Variants in ANXA8 observed in about 807,000 individuals in gnomAD.
ANXA8 encodes VAC-beta.
Under a neutral mutation model 26.8 loss-of-function variants are expected in ANXA8, and 9 were observed. The ratio of observed to expected loss-of-function variants is 0.34; its 90% confidence interval spans 0.20 to 0.59. The LOEUF (loss-of-function observed/expected upper bound fraction) is 0.59, where lower values mean the gene tolerates loss of function less well. Ranked by LOEUF, ANXA8 falls within the 20% of genes least tolerant of loss-of-function variation. ANXA8 has a pLI of 0.84. For missense variants in ANXA8, 83 were observed against 238.5 expected, an observed-to-expected ratio of 0.35 and a Z score of 4.29; for synonymous variants, 39 against 94.8, an observed-to-expected ratio of 0.41 and a Z score of 3.42.
the ANXA8 span, among the ~76,000 whole-genome samples, chr10:47,663,839 G>A: frequency 4.0e-5 from 6 of 148,286 alleles, no homozygotes; most frequent in Non-Finnish European, 8.8e-5. Flanking sequence ...TGAATTTTAT[G>A]TTTGGATGAT....
the ANXA8 span, among the ~76,000 whole-genome samples, chr10:47,708,788 A>G: frequency 6.6e-6 from 1 of 151,772 alleles, no homozygotes; most frequent in African/African-American, 2.4e-5. Flanking sequence ...TATAAGTCAA[A>G]GATCAACACA....
chr10:47,777,560 G>A, the ANXA8 span, among the ~76,000 whole-genome samples: 1 of 152,190 alleles, frequency 6.6e-6, no homozygotes, highest in African/African-American at 2.4e-5. Context: ...AACATGGTGG[G>A]AAACCTCATC....
chr10:47,650,816 A>C, the ANXA8 span, among the ~76,000 whole-genome samples: 1 of 149,824 alleles, frequency 6.7e-6, no homozygotes, highest in Non-Finnish European at 1.5e-5. Context: ...CAAAAAAAAA[A>C]AAAGGGCAAA....
chr10:47,748,550 A>G, the ANXA8 span, among the ~76,000 whole-genome samples: 1 of 152,164 alleles, frequency 6.6e-6, no homozygotes, highest in African/African-American at 2.4e-5. Flanking sequence ...AATGAAAGAC[A>G]AGGAAAAAAC....
the ANXA8 span, among the ~76,000 whole-genome samples, chr10:47,942,675 A>T: frequency 7.0e-5 from 10 of 142,032 alleles, 1 homozygote; most frequent in Admixed American, 3.5e-4. Flanking sequence ...GTTGCTGGGG[A>T]CCTACTCCTC....
the ANXA8 span, among the ~76,000 whole-genome samples, chr10:47,653,493 T>C: frequency 4.0e-5 from 6 of 151,890 alleles, no homozygotes; most frequent in African/African-American, 1.5e-4. Context: ...GTTTCTGGCT[T>C]TAATAACTCC....
the ANXA8 span, among the ~76,000 whole-genome samples, chr10:47,700,321 T>C: frequency 2.0e-4 from 31 of 151,652 alleles, no homozygotes; most frequent in Non-Finnish European, 4.4e-5. Context: ...ACCAGTGGAA[T>C]AGAGTAAGAA....
At chr10:47,968,568 A>C in the ANXA8 span, among the ~76,000 whole-genome samples, 2 of 132,100 alleles carry the variant, frequency 1.5e-5, no homozygotes, top group African/African-American at 5.2e-5. Context: ...TGTCATTCCC[A>C]CTGAAACCAC....
chr10:47,707,167 CAAAAAAACAA>C, the ANXA8 span, among the ~76,000 whole-genome samples: 778 of 124,028 alleles, frequency 6.3e-3, 3 homozygotes, highest in African/African-American at 0.025. Flanking sequence ...CTGCAAACCT[CAAAAAAACAA>C]AAAAAAACAA....
the ANXA8 span, among the ~76,000 whole-genome samples, chr10:47,742,433 AC>A: frequency 3.0e-4 from 46 of 150,940 alleles, 1 homozygote; most frequent in African/African-American, 1.1e-3. Flanking sequence ...CATTATCATC[AC>A]TTGTATTCAA....
chr10:47,611,690 T>C, the ANXA8 span, among the ~76,000 whole-genome samples: 4 of 75,510 alleles, frequency 5.3e-5, 2 homozygotes, highest in South Asian at 2.8e-3. Context: ...CACAGCTAGA[T>C]AACAGCCAGT....
chr10:47,772,843 G>A, the ANXA8 span, among the ~76,000 whole-genome samples: 1 of 121,930 alleles, frequency 8.2e-6, no homozygotes. Context: ...GTTTATTGTT[G>A]TTATGTAGCC....
At chr10:47,498,498 T>C in the ANXA8 span, among the ~76,000 whole-genome samples, 1 of 143,554 alleles carries the variant, frequency 7.0e-6, no homozygotes, top group African/African-American at 2.5e-5. Context: ...CTTTCAATTA[T>C]TTTGGCTATA....
the ANXA8 span, among the ~76,000 whole-genome samples, chr10:47,717,997 C>CAA: frequency 2.1e-3 from 119 of 55,412 alleles, no homozygotes; most frequent in South Asian, 2.9e-3. Context: ...TACTCTGTCT[C>CAA]AAAAAAAAAA....
the ANXA8 span, among the ~76,000 whole-genome samples, chr10:47,530,513 T>C: frequency 4.4e-3 from 459 of 104,662 alleles, no homozygotes; most frequent in East Asian, 0.026. Flanking sequence ...CATAGTGAAA[T>C]CTCGTCTCCA....
chr10:47,945,591 T>A, the ANXA8 span, among the ~76,000 whole-genome samples: 2 of 144,776 alleles, frequency 1.4e-5, no homozygotes, highest in South Asian at 4.4e-4. Flanking sequence ...CTTGGGAGGA[T>A]CAGCCTCTTC....
chr10:47,661,957 TTCTAAGTGAGGGTCTCAC>T, the ANXA8 span, among the ~76,000 whole-genome samples: 1 of 149,012 alleles, frequency 6.7e-6, no homozygotes. Flanking sequence ...TTTCTTTTTT[TTCTAAGTGAGGGTCTCAC>T]TCTATCACCC....
the ANXA8 span, among the ~76,000 whole-genome samples, chr10:47,615,436 T>A: frequency 1.4e-5 from 1 of 71,730 alleles, no homozygotes; most frequent in South Asian, 7.7e-4. Context: ...GACACTGTGG[T>A]TCATCATCCA....
At chr10:47,491,583 A>C in the ANXA8 span, 1 of 1,506,530 alleles carries the variant, frequency 6.6e-7, no homozygotes, top group Non-Finnish European at 8.9e-7. Context: ...CCAGGTAGAA[A>C]GGAGCCCTGG....
Sources: allele counts gnomAD v4.1 joint callset (sites outside exome capture counted in the v4.1 genomes callset), GRCh38; gene constraint gnomAD v4.1.1; transcripts MANE v1.5; gene names NCBI Gene and HGNC (gene_info 2026-07-23, HGNC 2026-07-21).